The following NRP1 variants were observed in gnomAD, a reference collection of about 807,000 sequenced individuals.
NRP1 encodes the protein neuropilin-1.
A neutral mutation model predicts 106.7 loss-of-function variants in NRP1; 35 were observed. The ratio of observed to expected loss-of-function variants is 0.33; its 90% CI spans 0.25 to 0.43. NRP1 has a LOEUF of 0.43. NRP1 is among the 20% of genes least tolerant of loss of function. The pLI is 1.00. For synonymous variants in NRP1, 437 were observed against 417.9 expected, an observed-to-expected ratio of 1.05 and a Z score of -0.56; for missense variants, 1,024 against 1,170.4, an observed-to-expected ratio of 0.87 and a Z score of 1.83.
At chr10:33,227,796 G>A (rs1839790677) in intron 6 of NRP1, among the ~76,000 whole-genome samples, 1 of 152,102 alleles carries the variant, frequency 6.6e-6, no homozygotes, top group Non-Finnish European at 1.5e-5. Flanking sequence ...ATGGATTTAA[G>A]CAGCAAGCAC....
chr10:33,231,519 G>A (rs117051938), intron 6 of NRP1, among the ~76,000 whole-genome samples: 375 of 152,218 alleles, frequency 2.5e-3, no homozygotes, highest in Non-Finnish European at 4.2e-3. Flanking sequence ...TTTTATAGAC[G>A]TTCTAGTGCC....
intron 11 of NRP1, among the ~76,000 whole-genome samples, chr10:33,200,041 A>G (rs975702027): frequency 6.6e-6 from 1 of 152,200 alleles, no homozygotes; most frequent in Non-Finnish European, 1.5e-5. Context: ...TGGCCTCAAT[A>G]AGGCAGGCAC....
intron 10 of NRP1, chr10:33,205,328 C>T (rs1037259753): frequency 1.3e-5 from 2 of 152,178 alleles, no homozygotes; most frequent in African/African-American, 4.8e-5. Context: ...TAGGCAAATC[C>T]CTTCACCGAT....
At chr10:33,183,665 C>T (rs929724256) in intron 15 of NRP1, among the ~76,000 whole-genome samples, 8 of 152,152 alleles carry the variant, frequency 5.3e-5, no homozygotes, top group African/African-American at 1.9e-4. Flanking sequence ...CTGCTGTATT[C>T]CAGCATTTAC....
chr10:33,211,697 A>C (rs1838315862), intron 9 of NRP1: 2 of 152,376 alleles, frequency 1.3e-5, no homozygotes, highest in South Asian at 4.1e-4. Context: ...AGCTGGCAGC[A>C]CAGCCTGGCT....
chr10:33,310,000 T>G (rs1484622391), intron 2 of NRP1, among the ~76,000 whole-genome samples: 2 of 150,836 alleles, frequency 1.3e-5, no homozygotes, highest in Non-Finnish European at 2.9e-5. Flanking sequence ...CAGGCTGGAG[T>G]GCAGTGGCGC....
intron 3 of NRP1, among the ~76,000 whole-genome samples, chr10:33,269,904 G>C (rs1316301122): frequency 6.6e-6 from 1 of 152,092 alleles, no homozygotes; most frequent in Non-Finnish European, 1.5e-5. Context: ...AACAAGCTAA[G>C]GGCTCCCACT....
In NRP1 at chr10:33,207,577, A is replaced by C. The variant is rs758712396; in HGVS notation, c.1754T>G (p.Val585Gly). The change falls in exon 10 of 17, where the codon GTG becomes GGG. Residue 585 changes from valine (V) to glycine (G), a missense_variant. By Grantham distance (109) the Val-to-Gly change is moderately radical (BLOSUM62 -3). This residue lies in a region of NRP1 where 562 missense variants were observed against 620.3 expected (regional missense o/e 0.91). Transcript: ENST00000374867. ...ACTCTGGAGATCATAATTACCTTCC[A>C]CTTCACAGCCCAGCAGCTCCATTCT... Reference protein sequence around the residue: ...GLRMELLGCEVEAPTAGPTTP... With the variant: ...GLRMELLGCEGEAPTAGPTTP... 1 of 1,613,982 alleles carries C rather than the reference A, an allele frequency of 6.2e-7. No individual in the cohort carries two copies. The highest frequency in any genetic ancestry group is 1.3e-5 in the African/African-American group (1 of 74,946).
intron 10 of NRP1, among the ~76,000 whole-genome samples, chr10:33,205,062 T>C (rs1459432568): frequency 6.6e-6 from 1 of 152,182 alleles, no homozygotes; most frequent in Non-Finnish European, 1.5e-5. Context: ...ATGTAAGTGC[T>C]AGCACAAAAT....
intron 2 of NRP1, among the ~76,000 whole-genome samples, chr10:33,286,134 T>C (rs977728156): frequency 1.3e-5 from 2 of 152,208 alleles, no homozygotes; most frequent in Admixed American, 1.3e-4. Flanking sequence ...TATGGTATTA[T>C]GAGAAGACAA....
chr10:33,299,675 A>T (rs1363437073), intron 2 of NRP1, among the ~76,000 whole-genome samples: 1 of 152,174 alleles, frequency 6.6e-6, no homozygotes, highest in Non-Finnish European at 1.5e-5. Flanking sequence ...GGTCCCAGCT[A>T]CTGAAGAGTC....
chr10:33,274,682 CTG>C (rs370238000), intron 2 of NRP1, among the ~76,000 whole-genome samples: 32 of 152,274 alleles, frequency 2.1e-4, no homozygotes, highest in Admixed American at 5.9e-4. Flanking sequence ...TTGTCTGACA[CTG>C]TGAGCTACTG....
At chr10:33,186,515 G>T in intron 13 of NRP1, 27 bp from the exon 14 acceptor site, 2 of 1,585,370 alleles carry the variant, frequency 1.3e-6, no homozygotes, top group Non-Finnish European at 1.7e-6. Flanking sequence ...CTGTGTTAGG[G>T]AGAGTGGCCA....
chr10:33,263,928 C>T, intron 3 of NRP1, 55 bp from the exon 4 acceptor site: 1 of 1,116,802 alleles, frequency 9.0e-7, no homozygotes. Context: ...AACAACTTCC[C>T]CAAGAAATAA....
intron 3 of NRP1, among the ~76,000 whole-genome samples, chr10:33,264,615 A>G (rs2133251232): frequency 6.6e-6 from 1 of 152,226 alleles, no homozygotes; most frequent in Middle Eastern, 3.4e-3. Context: ...GTGTGTGTGT[A>G]ATGCATATAT....
chr10:33,243,933 T>TTGTGTGTGTGTG (rs112554908), intron 6 of NRP1, among the ~76,000 whole-genome samples: 4 of 141,440 alleles, frequency 2.8e-5, no homozygotes, highest in African/African-American at 1.0e-4. Context: ...GGGTAGAGGT[T>TTGTGTGTGTGTG]TGTGTGTGTG....
At chr10:33,323,430 A>G (rs1435806561) in intron 2 of NRP1, among the ~76,000 whole-genome samples, 1 of 152,178 alleles carries the variant, frequency 6.6e-6, no homozygotes, top group African/African-American at 2.4e-5. Context: ...GAGTAGACGG[A>G]AGCCAAAATA....
chr10:33,248,257 T>C lies in NRP1; in HGVS notation c.981+5771A>G, dbSNP rs376210752. ...GCGAGCCAAGATCGTGCCACTGCAC[T>C]CCAGCCTGGGCAACAGAGCGAGACT... On this transcript the variant is annotated intron_variant, in intron 6 of 16. Transcript: ENST00000374867. Among the ~76,000 whole-genome samples the C allele has an allele frequency of 2.1e-3, 321 of 152,214 alleles. 1 individual carries two copies. Among genetic ancestry groups the C allele is most frequent in the African/African-American group, 7.6e-3 (317 of 41,520 alleles).
intron 2 of NRP1, among the ~76,000 whole-genome samples, chr10:33,285,615 A>C (rs996871083): frequency 2.0e-5 from 3 of 152,128 alleles, no homozygotes; most frequent in Non-Finnish European, 4.4e-5. Context: ...GGATCACCTG[A>C]GGTCAGGAGT....
Sources: allele counts gnomAD v4.1 joint callset (sites outside exome capture counted in the v4.1 genomes callset), GRCh38; gene constraint gnomAD v4.1.1; regional missense constraint gnomAD v4.1.1; transcripts MANE v1.5; gene names NCBI Gene and HGNC (gene_info 2026-07-23, HGNC 2026-07-21).